Variants in ANXA4 observed in about 807,000 individuals in gnomAD.
ANXA4 encodes the protein 35-beta calcimedin.
ANXA4 carries 39 observed loss-of-function variants against 49.8 expected under a neutral mutation model. The ratio of observed to expected loss-of-function variants is 0.78; its 90% CI spans 0.61 to 1.02. ANXA4 has a LOEUF of 1.02. ANXA4 is among the 50% of genes least tolerant of loss of function. ANXA4 has a pLI of 0.00. For synonymous variants in ANXA4, 134 were observed against 152.5 expected (o/e 0.88, Z 0.89); for missense variants, 360 against 410.1 (o/e 0.88, Z 1.05).
At chr2:69,676,385 G>A (rs928070629) in intron 2 of ANXA4, among the ~76,000 whole-genome samples, 5 of 152,152 alleles carry the variant, frequency 3.3e-5, no homozygotes, top group Admixed American at 6.5e-5. Context: ...GTGAATGACA[G>A]AGACTTGTGA....
intron 2 of ANXA4, among the ~76,000 whole-genome samples, chr2:69,679,471 A>AT (rs1462788314): frequency 6.6e-6 from 1 of 152,070 alleles, no homozygotes; most frequent in Non-Finnish European, 1.5e-5. Context: ...CACTTCGTTG[A>AT]TTGTTTCCTT....
At chr2:69,691,219 G>A (rs1252948365) in intron 2 of ANXA4, among the ~76,000 whole-genome samples, 2 of 151,716 alleles carry the variant, frequency 1.3e-5, no homozygotes, top group Admixed American at 6.6e-5. Flanking sequence ...TGCCTCCCAG[G>A]TTCAAGTGAT....
At position 69,825,336 on chromosome 2, in the gene ANXA4, C is replaced by G. The variant is rs1674425144; in HGVS notation, c.907-120C>G. 3 of 756,852 alleles carry G rather than the reference C, an allele frequency of 4.0e-6. No homozygotes were observed. In the Admixed American group the frequency reaches 8.8e-5, roughly 22 times the overall value. The allele number at this position is 756,852 out of a possible 1,614,324, so 46.9% of individuals were successfully genotyped here. A position where few individuals can be genotyped will look rare whatever the true frequency, so the allele number is the denominator to read the frequency against. ...GTATTACCTTCGTAATAAAAAATAA[C>G]AAAAAAAATTTAAAGCTAAGAAAAA... On this transcript the variant is annotated intron_variant, in intron 12 of 12. Transcript: ENST00000394295.
chr2:69,824,434 C>A (rs1281663555), intron 12 of ANXA4, among the ~76,000 whole-genome samples: 1 of 145,602 alleles, frequency 6.9e-6, no homozygotes, highest in South Asian at 2.2e-4. Flanking sequence ...ACCTGGGAGG[C>A]GGAGGTCGCA....
intron 1 of ANXA4, among the ~76,000 whole-genome samples, chr2:69,755,865 A>G (rs1299111712): frequency 6.6e-6 from 1 of 152,238 alleles, no homozygotes; most frequent in Admixed American, 6.5e-5. Context: ...ATGAATATTT[A>G]TAAGTAATTT....
chr2:69,660,184 T>G (rs1441129869), intron 2 of ANXA4, among the ~76,000 whole-genome samples: 1 of 152,224 alleles, frequency 6.6e-6, no homozygotes, highest in African/African-American at 2.4e-5. Flanking sequence ...TGCAGAGTCA[T>G]TAAAAACCCA....
intron 2 of ANXA4, among the ~76,000 whole-genome samples, chr2:69,782,301 C>T (rs1441782929): frequency 6.6e-6 from 1 of 152,134 alleles, no homozygotes; most frequent in Non-Finnish European, 1.5e-5. Context: ...CTTGAGATGC[C>T]TTCCTTTAGG....
intron 3 of ANXA4, among the ~76,000 whole-genome samples, chr2:69,733,613 GAAAAA>G (rs765187064): frequency 8.3e-6 from 1 of 119,848 alleles, no homozygotes; most frequent in Non-Finnish European, 1.9e-5. Flanking sequence ...CCCTGTCTTA[GAAAAA>G]AAAAAAAAAG....
intron 3 of ANXA4, among the ~76,000 whole-genome samples, chr2:69,731,541 T>C (rs1256588951): frequency 6.6e-6 from 1 of 152,206 alleles, no homozygotes; most frequent in Non-Finnish European, 1.5e-5. Context: ...TGAGACCATG[T>C]TGACCCCTAT....
At chr2:69,747,632 TG>T (rs1171278499) in intron 1 of ANXA4, among the ~76,000 whole-genome samples, 3 of 152,218 alleles carry the variant, frequency 2.0e-5, no homozygotes, top group African/African-American at 4.8e-5. Context: ...AACTCAGTCA[TG>T]GATACAGGTT....
intron 2 of ANXA4, among the ~76,000 whole-genome samples, chr2:69,665,934 G>A (rs1164107267): frequency 1.3e-5 from 2 of 152,204 alleles, no homozygotes; most frequent in African/African-American, 4.8e-5. Context: ...GCCAGGCATG[G>A]TGGCTCACAC....
chr2:69,722,853 C>T (rs989528592), intron 3 of ANXA4, among the ~76,000 whole-genome samples: 11 of 151,442 alleles, frequency 7.3e-5, no homozygotes, highest in South Asian at 4.2e-4. Flanking sequence ...TAGAAAAAAG[C>T]GCAGAGTAAA....
At chr2:69,812,860 A>C in intron 8 of ANXA4, 151 bp downstream of exon 8, 1 of 697,650 alleles carries the variant, frequency 1.4e-6, no homozygotes, top group Non-Finnish European at 2.4e-6. Context: ...GCCTTTAATA[A>C]CAGGTTTCTT....
At chr2:69,757,514 C>T (rs1671109657) in intron 1 of ANXA4, among the ~76,000 whole-genome samples, 1 of 148,946 alleles carries the variant, frequency 6.7e-6, no homozygotes, top group Admixed American at 6.7e-5. Flanking sequence ...ACCTCGTCAT[C>T]CGCCTGCCTC....
At chr2:69,717,453 A>G (rs913923181) in intron 2 of ANXA4, among the ~76,000 whole-genome samples, 11 of 152,102 alleles carry the variant, frequency 7.2e-5, no homozygotes, top group Non-Finnish European at 1.5e-5. Context: ...TTTGATCATT[A>G]TTCCTGCATC....
At chr2:69,824,002 C>G (rs1205189051) in intron 12 of ANXA4, among the ~76,000 whole-genome samples, 2 of 151,416 alleles carry the variant, frequency 1.3e-5, no homozygotes, top group Non-Finnish European at 2.9e-5. Context: ...TCACTTGAGC[C>G]CAGGAGTTCG....
chr2:69,679,748 A>G (rs966818499), intron 2 of ANXA4, among the ~76,000 whole-genome samples: 5 of 152,204 alleles, frequency 3.3e-5, no homozygotes, highest in African/African-American at 9.7e-5. Flanking sequence ...CTAAGCACCA[A>G]TTATTGAAGA....
At chr2:69,650,429 A>T (rs1231361393) in intron 1 of ANXA4, among the ~76,000 whole-genome samples, 5 of 152,202 alleles carry the variant, frequency 3.3e-5, no homozygotes, top group African/African-American at 9.6e-5. Context: ...TACAATAAAC[A>T]AAATAGTTAC....
upstream of ANXA4, among the ~76,000 whole-genome samples, chr2:69,741,305 G>A (rs868582817): frequency 6.6e-6 from 1 of 152,332 alleles, no homozygotes; most frequent in Middle Eastern, 3.4e-3. Flanking sequence ...GGGCATGGGT[G>A]CAAAGACGAC....
Sources: gnomAD v4.1 joint callset for allele counts (sites outside exome capture counted in the v4.1 genomes callset) on GRCh38, gnomAD v4.1.1 for gene constraint, MANE v1.5 for transcripts, NCBI Gene and HGNC (gene_info 2026-07-23, HGNC 2026-07-21) for gene names.